The following SAMSN1 variants were observed in gnomAD, a reference collection of about 807,000 sequenced individuals.
SAMSN1 encodes SAM domain, SH3 domain and nuclear localization signals 1, also known as SAM domain-containing protein SAMSN-1.
A neutral mutation model predicts 42.0 loss-of-function variants in SAMSN1; 31 were observed. That is an observed-to-expected ratio of 0.74 (90% CI 0.55 to 1.00). The LOEUF is 1.00. Among genes scored for constraint, SAMSN1 ranks in the 50% least tolerant of loss-of-function variants. The probability of loss-of-function intolerance (pLI) is 0.00; values close to 1 mark genes in which losing one functional copy is unlikely to be tolerated. For missense variants in SAMSN1, 464 were observed against 439.4 expected, an observed-to-expected ratio of 1.06 and a Z score of -0.50; for synonymous variants, 178 against 151.9, an observed-to-expected ratio of 1.17 and a Z score of -1.26.
rs141501066 is a variant in SAMSN1, at chr21:14,510,426, G to C, written c.445C>G (p.Arg149Gly). ...TCGTCATCCAGTCGAAAGCTGTCCC[G>C]GTTACTTGTACCATCTGAACAGCTT... is the stretch of plus-strand genomic sequence containing the variant. ...ITSCSDGTSN[R>G]DSFRLDDDGP... The change falls in exon 5 of 8, where the codon CGG becomes GGG. Residue 149 changes from arginine (R) to glycine (G), a missense_variant. Physicochemically the swap from Arg to Gly is moderately radical, Grantham distance 125. Coordinates refer to ENST00000400566, the MANE Select transcript of SAMSN1 (RefSeq NM_022136.5). 3.7e-5 allele frequency: 59 copies of C among 1,614,122 alleles called. No homozygotes were observed. In the East Asian group the frequency reaches 1.2e-3, roughly 32 times the overall value.
Position 14,579,161 on chromosome 21 carries a change from G to T in SAMSN1, c.261+2975C>A, listed in dbSNP as rs549375079. Among the ~76,000 whole-genome samples the T allele has an allele frequency of 3.3e-5, 5 of 152,308 alleles. No homozygotes were observed. The East Asian group carries it at 9.6e-4, about 29-fold the overall frequency. On this transcript the variant is annotated intron_variant, in intron 2 of 8. Transcript: ENST00000285670. The stretch of plus-strand genomic sequence containing the variant: ...ACTTTAGTGTCTCAAATCCCGGAGT[G>T]TAAGTGGTCTCATTAAGTTTACCAA...
At chr21:14,584,082 A>T (rs2123252890), upstream of SAMSN1, among the ~76,000 whole-genome samples, 1 of 152,224 alleles carries the variant, frequency 6.6e-6, no homozygotes, top group East Asian at 1.9e-4. Context: ...CCACTGTGAA[A>T]CAGCGGAAAA....
chr21:14,505,621 A>T (rs1418482858), intron 5 of SAMSN1, among the ~76,000 whole-genome samples: 1 of 152,226 alleles, frequency 6.6e-6, no homozygotes, highest in Non-Finnish European at 1.5e-5. Context: ...AGGCCTAAGA[A>T]ATGAGATAGA....
intron 1 of SAMSN1, among the ~76,000 whole-genome samples, chr21:14,647,481 T>C (rs1189295054): frequency 2.0e-5 from 3 of 149,294 alleles, no homozygotes; most frequent in Non-Finnish European, 4.5e-5. Flanking sequence ...TCTTTTTTGG[T>C]TCCCTATGAA....
At chr21:14,556,483 ATG>A (rs1309242625) in intron 2 of SAMSN1, among the ~76,000 whole-genome samples, 1 of 152,242 alleles carries the variant, frequency 6.6e-6, no homozygotes, top group Non-Finnish European at 1.5e-5. Flanking sequence ...GTATATATGT[ATG>A]TGTATATGCA....
At chr21:14,526,688 C>A (rs895379284) in intron 1 of SAMSN1, among the ~76,000 whole-genome samples, 2 of 152,170 alleles carry the variant, frequency 1.3e-5, no homozygotes, top group African/African-American at 4.8e-5. Context: ...ATACTCTCCC[C>A]TATGCCATTC....
intron 2 of SAMSN1, among the ~76,000 whole-genome samples, chr21:14,618,181 G>C (rs1343637691): frequency 1.3e-5 from 2 of 152,162 alleles, no homozygotes; most frequent in East Asian, 3.8e-4. Flanking sequence ...ATCAGTTTAG[G>C]TTTGGGAAAT....
At chr21:14,647,547 A>T (rs1488361407) in intron 1 of SAMSN1, among the ~76,000 whole-genome samples, 1 of 147,878 alleles carries the variant, frequency 6.8e-6, no homozygotes, top group Admixed American at 6.9e-5. Flanking sequence ...CTTGATGGGG[A>T]TGGCATTAAA....
chr21:14,610,402 T>C (rs1211182961), intron 4 of SAMSN1, among the ~76,000 whole-genome samples: 1 of 152,150 alleles, frequency 6.6e-6, no homozygotes, highest in East Asian at 1.9e-4. Context: ...GTCAGACTGG[T>C]TCTCTGCTCT....
upstream of SAMSN1, among the ~76,000 whole-genome samples, chr21:14,585,804 T>C (rs1296338114): frequency 6.6e-6 from 1 of 152,198 alleles, no homozygotes; most frequent in African/African-American, 2.4e-5. Flanking sequence ...GGAGTATCCA[T>C]AGTACATGTT....
intron 2 of SAMSN1, among the ~76,000 whole-genome samples, chr21:14,620,873 T>A (rs190504326): frequency 1.3e-5 from 2 of 152,358 alleles, no homozygotes; most frequent in Admixed American, 1.3e-4. Context: ...TAAATATGTA[T>A]AACACACATA....
At chr21:14,648,819 G>A (rs1441461071) in intron 1 of SAMSN1, among the ~76,000 whole-genome samples, 35 of 152,092 alleles carry the variant, frequency 2.3e-4, no homozygotes, top group Admixed American at 2.3e-3. Context: ...TACACTGTGG[G>A]TGGGACTGTA....
chr21:14,496,996 A>G (rs1986938316), intron 7 of SAMSN1, among the ~76,000 whole-genome samples: 1 of 152,174 alleles, frequency 6.6e-6, no homozygotes, highest in South Asian at 2.1e-4. Context: ...CAAAAGGACA[A>G]TCAGGAGGCC....
chr21:14,646,388 T>C (rs1315287469), intron 1 of SAMSN1, among the ~76,000 whole-genome samples: 1 of 152,088 alleles, frequency 6.6e-6, no homozygotes, highest in Admixed American at 6.6e-5. Flanking sequence ...TTAAGGAAAA[T>C]AATTTTTACC....
At chr21:14,588,372 A>T (rs56017541), upstream of SAMSN1, among the ~76,000 whole-genome samples, 27,004 of 138,472 alleles carry the variant, frequency 0.2, 2,549 homozygotes, top group Middle Eastern at 0.23. Flanking sequence ...AACAGTGTAA[A>T]AGTGTTCCTA....
intron 2 of SAMSN1, among the ~76,000 whole-genome samples, chr21:14,631,712 T>C (rs1375273735): frequency 6.6e-6 from 1 of 152,204 alleles, no homozygotes; most frequent in Non-Finnish European, 1.5e-5. Context: ...CCCCCAATTT[T>C]GTGCTTCTAA....
intron 1 of SAMSN1, among the ~76,000 whole-genome samples, chr21:14,652,971 A>G (rs461058): frequency 0.67 from 102,456 of 151,994 alleles, 34,957 homozygotes; most frequent in Middle Eastern, 0.79. Flanking sequence ...AATGCAAATC[A>G]AAACTACAAT....
chr21:14,600,349 A>G (rs1982397467), intron 6 of SAMSN1, among the ~76,000 whole-genome samples: 1 of 152,196 alleles, frequency 6.6e-6, no homozygotes, highest in Non-Finnish European at 1.5e-5. Context: ...CATATAGATA[A>G]GTGTTTCTTA....
At chr21:14,503,332 A>G (rs1169513717) in intron 5 of SAMSN1, among the ~76,000 whole-genome samples, 2 of 152,092 alleles carry the variant, frequency 1.3e-5, no homozygotes, top group Non-Finnish European at 2.9e-5. Flanking sequence ...TGGAATCTAG[A>G]GGCTTAGAAT....
Sources: gnomAD v4.1 joint callset for allele counts (sites outside exome capture counted in the v4.1 genomes callset) on GRCh38, gnomAD v4.1.1 for gene constraint, MANE v1.5 for transcripts, NCBI Gene and HGNC (gene_info 2026-07-23, HGNC 2026-07-21) for gene names.